The following CSMD1 variants were observed in gnomAD, a reference collection of about 807,000 sequenced individuals.
The protein encoded by CSMD1 is CUB and Sushi multiple domains 1, also known as CUB and sushi domain-containing protein 1.
CSMD1 carries 213 observed loss-of-function variants against 417.5 expected under a neutral mutation model. The ratio of observed to expected loss-of-function variants is 0.51; its 90% CI spans 0.46 to 0.57. The LOEUF (loss-of-function observed/expected upper bound fraction) is 0.57. Ranked by LOEUF, CSMD1 falls within the 20% of genes least tolerant of loss-of-function variation. CSMD1 has a pLI of 0.00. For synonymous variants in CSMD1, 2,862 were observed against 1,736.8 expected, an observed-to-expected ratio of 1.65 and a Z score of -16.11; for missense variants, 6,923 against 4,529.7, an observed-to-expected ratio of 1.53 and a Z score of -15.17.
intron 41 of CSMD1, among the ~76,000 whole-genome samples, chr8:3,138,258 A>C (rs1306680174): frequency 6.6e-6 from 1 of 152,168 alleles, no homozygotes; most frequent in Non-Finnish European, 1.5e-5. Flanking sequence ...TATCTCAGTG[A>C]CTTAAAATAA....
At chr8:3,008,776 C>T (rs537303772) in intron 52 of CSMD1, among the ~76,000 whole-genome samples, 16 of 152,288 alleles carry the variant, frequency 1.1e-4, no homozygotes, top group South Asian at 4.1e-4. Context: ...AGGAGTTATG[C>T]GGTTTGCAAC....
At chr8:4,723,389 A>G (rs1407246199) in intron 1 of CSMD1, among the ~76,000 whole-genome samples, 1 of 152,122 alleles carries the variant, frequency 6.6e-6, no homozygotes, top group Non-Finnish European at 1.5e-5. Context: ...ACATGTTGCC[A>G]TTTCTGAAAA....
At chr8:4,512,553 A>G (rs1334263104) in intron 2 of CSMD1, among the ~76,000 whole-genome samples, 1 of 152,158 alleles carries the variant, frequency 6.6e-6, no homozygotes, top group East Asian at 1.9e-4. Flanking sequence ...AAAAAAAATC[A>G]CCTTCCTAGA....
intron 49 of CSMD1, among the ~76,000 whole-genome samples, chr8:3,083,715 C>G (rs2129004558): frequency 7.9e-6 from 1 of 125,856 alleles, no homozygotes; most frequent in South Asian, 2.8e-4. Flanking sequence ...GAGTGCAGTG[C>G]CGTGATCTCG....
intron 56 of CSMD1, among the ~76,000 whole-genome samples, chr8:2,973,563 A>C (rs189570997): frequency 1.3e-4 from 20 of 152,274 alleles, no homozygotes; most frequent in Admixed American, 1.0e-3. Context: ...TTCCTTTGGA[A>C]GGAGGAAAAT....
chr8:3,460,402 A>T (rs2117149212), intron 12 of CSMD1, among the ~76,000 whole-genome samples: 1 of 152,320 alleles, frequency 6.6e-6, no homozygotes, highest in East Asian at 1.9e-4. Context: ...TTTACAGAAT[A>T]TTCTGTGGAC....
At chr8:3,895,710 C>G (rs886648382) in intron 5 of CSMD1, among the ~76,000 whole-genome samples, 3 of 152,124 alleles carry the variant, frequency 2.0e-5, no homozygotes, top group Admixed American at 1.3e-4. Context: ...CCTAACTTGT[C>G]AATTTATTTG....
At chr8:3,633,197 G>T (rs755615683) in intron 7 of CSMD1, among the ~76,000 whole-genome samples, 5 of 152,062 alleles carry the variant, frequency 3.3e-5, no homozygotes, top group Non-Finnish European at 5.9e-5. Flanking sequence ...TTTTCTCACA[G>T]AACTCAAATA....
chr8:4,463,986 A>T (rs576899770), intron 2 of CSMD1, among the ~76,000 whole-genome samples: 6 of 152,170 alleles, frequency 3.9e-5, no homozygotes, highest in Admixed American at 3.3e-4. Flanking sequence ...CCATTTAGCT[A>T]TAAGTCTCAT....
chr8:3,002,133 G>C (rs555232905), intron 52 of CSMD1, among the ~76,000 whole-genome samples: 1 of 152,280 alleles, frequency 6.6e-6, no homozygotes, highest in South Asian at 2.1e-4. Context: ...CAATAAGTCA[G>C]TTCTGGTGAT....
At chr8:3,269,974 T>A (rs1801716330) in intron 26 of CSMD1, among the ~76,000 whole-genome samples, 1 of 151,364 alleles carries the variant, frequency 6.6e-6, no homozygotes, top group Admixed American at 6.6e-5. Flanking sequence ...ACAACCCTAC[T>A]CCATTGATGG....
chr8:4,990,965 CT>C (rs1231836454), intron 1 of CSMD1, among the ~76,000 whole-genome samples: 5 of 152,176 alleles, frequency 3.3e-5, no homozygotes, highest in African/African-American at 1.2e-4. Flanking sequence ...GAATTACTTA[CT>C]TTAACGAATG....
intron 28 of CSMD1, among the ~76,000 whole-genome samples, chr8:3,223,015 A>G (rs1430535861): frequency 6.6e-6 from 1 of 152,242 alleles, no homozygotes; most frequent in African/African-American, 2.4e-5. Context: ...TCAATAGGAA[A>G]GTCTACAGAA....
intron 3 of CSMD1, among the ~76,000 whole-genome samples, chr8:4,408,112 T>C (rs921195033): frequency 2.6e-5 from 4 of 152,130 alleles, no homozygotes; most frequent in African/African-American, 9.7e-5. Flanking sequence ...TATGCCTGAA[T>C]GGAAAAACAA....
rs545970206 is a variant in CSMD1, at chr8:4,123,144, T to C, written c.416-91045A>G. 2.0e-5 allele frequency among the ~76,000 whole-genome samples: 3 copies of C among 152,338 alleles called. No homozygotes were observed. In the South Asian group the frequency reaches 6.2e-4, roughly 32 times the overall value. On this transcript the variant is annotated intron_variant, in intron 3 of 69. Transcript: ENST00000635120. ...ACACAAAATAGGAAGATGAAGAATA[T>C]TTAGGCAGTCCATGCTGAGATGTTT...
At chr8:3,691,231 G>A (rs745525381) in intron 7 of CSMD1, among the ~76,000 whole-genome samples, 11 of 152,006 alleles carry the variant, frequency 7.2e-5, no homozygotes, top group African/African-American at 1.5e-4. Context: ...AGCCGGGCAC[G>A]GTAACAGGCA....
chr8:4,624,283 T>C (rs905688799), intron 2 of CSMD1, among the ~76,000 whole-genome samples: 4 of 152,104 alleles, frequency 2.6e-5, no homozygotes, highest in Non-Finnish European at 4.4e-5. Context: ...CAAGCTATAG[T>C]AGGGAAAGGG....
intron 1 of CSMD1, among the ~76,000 whole-genome samples, chr8:4,981,222 C>T (rs1442417630): frequency 6.6e-6 from 1 of 152,176 alleles, no homozygotes; most frequent in Non-Finnish European, 1.5e-5. Context: ...TACAGTGTGT[C>T]ATACAACAAT....
rs192694879 is a variant in CSMD1 at position 4,141,362 on chromosome 8, T to A, written c.416-109263A>T. ...TTCAGAGAAGTATGCTCATGAAGCT[T>A]GTATGCTCCAAGAATACCAAGAAGC... On this transcript the variant is annotated intron_variant, in intron 3 of 69. Coordinates refer to ENST00000635120, the MANE Select transcript of CSMD1 (RefSeq NM_033225.6). Among the ~76,000 whole-genome samples, 43 of 151,326 alleles carry A rather than the reference T, an allele frequency of 2.8e-4. No individual in the cohort carries two copies. The East Asian group carries it at 7.7e-3, about 27-fold the overall frequency.
Sources: gnomAD v4.1 joint callset for allele counts (sites outside exome capture counted in the v4.1 genomes callset) on GRCh38, gnomAD v4.1.1 for gene constraint, MANE v1.5 for transcripts, NCBI Gene and HGNC (gene_info 2026-07-23, HGNC 2026-07-21) for gene names.